Variants in MAF observed in about 807,000 individuals in gnomAD.
MAF encodes MAF bZIP transcription factor.
In MAF, 10 loss-of-function variants were observed where a neutral mutation model predicts 22.0. That is an observed-to-expected ratio of 0.45 (90% CI 0.28 to 0.77). The LOEUF is 0.77. MAF is among the 30% of genes least tolerant of loss of function. The pLI, the probability that MAF is intolerant of heterozygous loss-of-function variation, is 0.12. For missense variants in MAF, 544 were observed against 548.4 expected (o/e 0.99, Z 0.08); for synonymous variants, 337 against 255.8 (o/e 1.32, Z -3.03).
the MAF span, among the ~76,000 whole-genome samples, chr16:79,264,264 TG>T: frequency 1.3e-5 from 2 of 152,214 alleles, no homozygotes; most frequent in African/African-American, 4.8e-5. Flanking sequence ...TCAGGGGATT[TG>T]GACAGTTGTA....
chr16:79,219,782 T>C, the MAF span, among the ~76,000 whole-genome samples: 1 of 152,142 alleles, frequency 6.6e-6, no homozygotes, highest in Non-Finnish European at 1.5e-5. Flanking sequence ...CCGTGCTTTA[T>C]TTTCAATGTA....
chr16:79,544,381 G>C, the MAF span, among the ~76,000 whole-genome samples: 1 of 152,160 alleles, frequency 6.6e-6, no homozygotes, highest in Non-Finnish European at 1.5e-5. Context: ...AGCAGAGAAA[G>C]TTTTACTGGA....
chr16:79,255,890 C>G, the MAF span, among the ~76,000 whole-genome samples: 6 of 151,948 alleles, frequency 3.9e-5, no homozygotes, highest in Admixed American at 3.3e-4. Flanking sequence ...TTCATGGTAC[C>G]TGGTGTGAGA....
the MAF span, among the ~76,000 whole-genome samples, chr16:79,444,596 G>T: frequency 6.6e-6 from 1 of 152,204 alleles, no homozygotes; most frequent in Non-Finnish European, 1.5e-5. Context: ...AAGGTCAGAG[G>T]ATCATTGTGA....
chr16:79,284,705 A>T, the MAF span, among the ~76,000 whole-genome samples: 3 of 152,220 alleles, frequency 2.0e-5, no homozygotes, highest in East Asian at 5.8e-4. Context: ...TCACAGGAAA[A>T]TGTCAAACTT....
chr16:79,412,829 C>A, the MAF span, among the ~76,000 whole-genome samples: 3 of 152,254 alleles, frequency 2.0e-5, no homozygotes, highest in African/African-American at 7.2e-5. Context: ...TTCTGGGAGG[C>A]GGCACTAGAG....
chr16:79,217,242 T>C, the MAF span, among the ~76,000 whole-genome samples: 2 of 152,236 alleles, frequency 1.3e-5, no homozygotes, highest in African/African-American at 4.8e-5. Context: ...CACAGTCTCA[T>C]AGCTGGTAGA....
the MAF span, among the ~76,000 whole-genome samples, chr16:79,237,882 G>A: frequency 6.6e-6 from 1 of 152,078 alleles, no homozygotes; most frequent in African/African-American, 2.4e-5. Context: ...AGGGACCCCT[G>A]GTCTAGCCAG....
At chr16:79,580,412 C>A in the MAF span, among the ~76,000 whole-genome samples, 1 of 152,194 alleles carries the variant, frequency 6.6e-6, no homozygotes, top group Non-Finnish European at 1.5e-5. Context: ...TAGGACACAT[C>A]AATGAACAAC....
chr16:79,565,396 C>T, the MAF span, among the ~76,000 whole-genome samples: 1 of 152,150 alleles, frequency 6.6e-6, no homozygotes. Flanking sequence ...TGACCTGGGA[C>T]TATGATATCA....
chr16:79,519,526 C>T, the MAF span, among the ~76,000 whole-genome samples: 1 of 152,210 alleles, frequency 6.6e-6, no homozygotes, highest in South Asian at 2.1e-4. Flanking sequence ...TCTGGCCTCC[C>T]TTACCACTCT....
At chr16:79,250,611 G>A in the MAF span, among the ~76,000 whole-genome samples, 1 of 152,164 alleles carries the variant, frequency 6.6e-6, no homozygotes, top group Non-Finnish European at 1.5e-5. Flanking sequence ...AGCAGGGGGA[G>A]CAGTGAAAGC....
At chr16:79,211,456 G>A in the MAF span, 1 of 932,672 alleles carries the variant, frequency 1.1e-6, no homozygotes, top group Admixed American at 2.1e-5. Context: ...TTACAGTCAT[G>A]TGCTTTCAGC....
At chr16:79,410,443 T>A in the MAF span, among the ~76,000 whole-genome samples, 1 of 152,228 alleles carries the variant, frequency 6.6e-6, no homozygotes, top group Admixed American at 6.5e-5. Flanking sequence ...TATGAGTAAA[T>A]CAGCTCATTG....
the MAF span, among the ~76,000 whole-genome samples, chr16:79,343,781 G>C: frequency 2.0e-5 from 3 of 152,190 alleles, no homozygotes; most frequent in East Asian, 3.9e-4. Context: ...TTCTGTCTTT[G>C]GCAACAGGTC....
the MAF span, among the ~76,000 whole-genome samples, chr16:79,455,907 A>C: frequency 0.014 from 2,069 of 152,208 alleles, 45 homozygotes; most frequent in African/African-American, 0.047. Flanking sequence ...AATCTCAGCT[A>C]TTTGGGAGAC....
chr16:79,459,912 A>G, the MAF span, among the ~76,000 whole-genome samples: 1 of 152,128 alleles, frequency 6.6e-6, no homozygotes, highest in Admixed American at 6.6e-5. Context: ...TCATAAATAT[A>G]TCTGTGAGCA....
chr16:79,415,180 G>C, the MAF span, among the ~76,000 whole-genome samples: 66 of 152,134 alleles, frequency 4.3e-4, no homozygotes, highest in African/African-American at 1.5e-3. Flanking sequence ...AGCTACACGG[G>C]CAGGACTCTT....
chr16:79,239,873 C>G, the MAF span, among the ~76,000 whole-genome samples: 1 of 151,988 alleles, frequency 6.6e-6, no homozygotes, highest in African/African-American at 2.4e-5. Flanking sequence ...AGAAGCACAG[C>G]CCTCAACTTT....
Sources: gnomAD v4.1 joint callset for allele counts (sites outside exome capture counted in the v4.1 genomes callset) on GRCh38, gnomAD v4.1.1 for gene constraint, MANE v1.5 for transcripts, NCBI Gene and HGNC (gene_info 2026-07-23, HGNC 2026-07-21) for gene names.